The following TLL1 variants were observed in gnomAD, a reference collection of about 807,000 sequenced individuals.
TLL1 encodes tolloid-like protein 1.
Under a neutral mutation model 128.2 loss-of-function variants are expected in TLL1, and 49 were observed. The ratio of observed to expected loss-of-function variants is 0.38; its 90% CI spans 0.30 to 0.48. TLL1 has a LOEUF of 0.48. Among genes scored for constraint, TLL1 ranks in the 20% least tolerant of loss-of-function variants. The pLI, the probability that TLL1 is intolerant of heterozygous loss-of-function variation, is 0.96. For missense variants in TLL1, 1,123 were observed against 1,242.0 expected (o/e 0.90, Z 1.44); for synonymous variants, 454 against 418.8 (o/e 1.08, Z -1.03).
rs114233878 is a variant in TLL1, at chr4:166,101,373, G to A, written c.*497G>A. On this transcript the variant is annotated 3_prime_UTR_variant, in exon 21 of 21. Transcript: ENST00000061240. The stretch of plus-strand genomic sequence containing the variant: ...GGTGAATGTGAAATGGGAGTCTTCT[G>A]AGGGTGATTTGTACTTTCCATGTGT... The A allele has an allele frequency of 8.4e-3, 1,441 of 171,222 alleles. 22 individuals carry two copies. The highest frequency in any genetic ancestry group is 0.032 in the African/African-American group (1,345 of 41,666). The allele number at this position is 171,222 out of a possible 1,614,324, so 10.6% of individuals were successfully genotyped here.
rs1736102929 is a variant in TLL1 at position 165,980,403 on chromosome 4, C to CTA, written c.170-8975_170-8974dup. Among the ~76,000 whole-genome samples, 8 of 152,214 alleles carry CTA rather than the reference C, an allele frequency of 5.3e-5. No individual in the cohort carries two copies. In the South Asian group the frequency reaches 1.7e-3, roughly 32 times the overall value. ...CTCCCCAGGAACATCCTTCTATTCT[C>CTA]TATAGCATATTCTTCTTGAATTTAA... On this transcript the variant is annotated intron_variant, in intron 1 of 20. Coordinates refer to ENST00000061240, the MANE Select transcript of TLL1 (RefSeq NM_012464.5).
chr4:165,973,233 G>T (rs1331328173), intron 1 of TLL1, among the ~76,000 whole-genome samples: 1 of 152,082 alleles, frequency 6.6e-6, no homozygotes, highest in Non-Finnish European at 1.5e-5. Flanking sequence ...GAGTCCCAAA[G>T]CCTCAAAGAA....
intron 1 of TLL1, among the ~76,000 whole-genome samples, chr4:165,901,841 C>A (rs1732007424): frequency 6.6e-6 from 1 of 152,168 alleles, no homozygotes; most frequent in Non-Finnish European, 1.5e-5. Flanking sequence ...AAGCTGCAAC[C>A]ACAGCCACCC....
intron 1 of TLL1, among the ~76,000 whole-genome samples, chr4:165,895,628 T>C (rs1731634172): frequency 1.7e-5 from 2 of 119,578 alleles, no homozygotes; most frequent in Middle Eastern, 3.7e-3. Context: ...CAGTAAGACT[T>C]TTTGTAAAAA....
chr4:166,035,413 G>C (rs1042286168), intron 9 of TLL1, among the ~76,000 whole-genome samples: 2 of 151,940 alleles, frequency 1.3e-5, no homozygotes, highest in Non-Finnish European at 2.9e-5. Context: ...TAGTGCTTTG[G>C]GATTACCTGA....
chr4:166,093,802 A>G (rs56044927), intron 19 of TLL1, among the ~76,000 whole-genome samples: 15,566 of 152,174 alleles, frequency 0.1, 1,071 homozygotes, highest in East Asian at 0.35. Context: ...TCGAGACTAG[A>G]GAATGGCGAT....
chr4:165,919,965 C>A, intron 1 of TLL1: 1 of 381,524 alleles, frequency 2.6e-6, no homozygotes. Context: ...ATTTGGGGGG[C>A]TAAATCCCTT....
chr4:165,961,093 C>A (rs1004245855), intron 1 of TLL1, among the ~76,000 whole-genome samples: 4 of 152,024 alleles, frequency 2.6e-5, no homozygotes, highest in African/African-American at 9.7e-5. Flanking sequence ...CCAAATGGCT[C>A]CTAGAACTGA....
intron 18 of TLL1, among the ~76,000 whole-genome samples, chr4:166,082,031 G>A (rs1741306353): frequency 6.6e-6 from 1 of 152,058 alleles, no homozygotes; most frequent in Non-Finnish European, 1.5e-5. Context: ...CATACCTGCT[G>A]GTATCCTAAG....
At chr4:166,094,314 T>G (rs1741920644) in intron 19 of TLL1, among the ~76,000 whole-genome samples, 1 of 152,204 alleles carries the variant, frequency 6.6e-6, no homozygotes, top group African/African-American at 2.4e-5. Context: ...GTGTACTTGC[T>G]ACTATAGTAA....
intron 8 of TLL1, among the ~76,000 whole-genome samples, chr4:166,017,568 A>G (rs1343589045): frequency 1.3e-5 from 2 of 152,138 alleles, no homozygotes; most frequent in Admixed American, 6.5e-5. Context: ...GTGTGTAAGC[A>G]TTCTCTTTCT....
At chr4:166,033,757 G>T (rs1232808881) in intron 9 of TLL1, among the ~76,000 whole-genome samples, 2 of 152,112 alleles carry the variant, frequency 1.3e-5, no homozygotes, top group Non-Finnish European at 2.9e-5. Context: ...GGTTATCCTT[G>T]ATGTTGCATG....
chr4:166,013,631 T>A (rs1163304484), intron 7 of TLL1, among the ~76,000 whole-genome samples: 2 of 151,854 alleles, frequency 1.3e-5, no homozygotes, highest in Non-Finnish European at 2.9e-5. Context: ...TCATTTAACT[T>A]TTAAGCTCCC....
chr4:165,961,196 G>C (rs761803904), intron 1 of TLL1, among the ~76,000 whole-genome samples: 6 of 151,810 alleles, frequency 4.0e-5, no homozygotes, highest in African/African-American at 7.2e-5. Context: ...TGAGAACTAA[G>C]TCAAGAACAC....
At chr4:165,963,009 C>T (rs1380849004) in intron 1 of TLL1, among the ~76,000 whole-genome samples, 4 of 128,376 alleles carry the variant, frequency 3.1e-5, no homozygotes, top group Non-Finnish European at 3.1e-5. Context: ...GAGCTGAGGT[C>T]GTGCCATTGC....
chr4:165,965,999 C>A (rs1267126970), intron 1 of TLL1, among the ~76,000 whole-genome samples: 2 of 151,792 alleles, frequency 1.3e-5, no homozygotes, highest in Admixed American at 1.3e-4. Context: ...GCCAAGATGG[C>A]AAAACCCTGT....
chr4:166,028,640 A>T (rs941649171), intron 9 of TLL1, among the ~76,000 whole-genome samples: 2 of 151,932 alleles, frequency 1.3e-5, no homozygotes, highest in African/African-American at 4.8e-5. Context: ...TTTGTTTTAT[A>T]TATGTTTATG....
chr4:165,932,404 T>G (rs1488746940), intron 1 of TLL1, among the ~76,000 whole-genome samples: 1 of 152,218 alleles, frequency 6.6e-6, no homozygotes, highest in African/African-American at 2.4e-5. Context: ...TATTCCTCAT[T>G]CCTGATTAAT....
In TLL1 at chr4:165,914,682, G is replaced by A. The variant is rs375163202; in HGVS notation, c.169+40609G>A. 1.1e-4 allele frequency among the ~76,000 whole-genome samples: 16 copies of A among 152,284 alleles called. 1 individual carries two copies. The highest frequency in any genetic ancestry group is 4.6e-4 in the Admixed American group (7 of 15,302). ...ACCCTAAGTCCCTTGGGGGTGACATGGAGTGCGAAGGTGGATACTGTGAAT... is the reference window on the plus strand; with the variant it reads ...ACCCTAAGTCCCTTGGGGGTGACATAGAGTGCGAAGGTGGATACTGTGAAT... On this transcript the variant is annotated intron_variant, in intron 1 of 20. Transcript: ENST00000061240.
Sources: gnomAD v4.1 joint callset for allele counts (sites outside exome capture counted in the v4.1 genomes callset) on GRCh38, gnomAD v4.1.1 for gene constraint, MANE v1.5 for transcripts, NCBI Gene and HGNC (gene_info 2026-07-23, HGNC 2026-07-21) for gene names.